The following NAALADL2 variants were observed in gnomAD, a reference collection of about 807,000 sequenced individuals.
NAALADL2 encodes the protein inactive N-acetylated-alpha-linked acidic dipeptidase-like protein 2.
Under a neutral mutation model 87.2 loss-of-function variants are expected in NAALADL2, and 76 were observed. The observed-to-expected ratio is 0.87, with a 90% CI of 0.72 to 1.05. The LOEUF is 1.05. Among genes scored for constraint, NAALADL2 ranks in the 50% least tolerant of loss-of-function variants. NAALADL2 has a pLI of 0.00. For missense variants in NAALADL2, 1,089 were observed against 945.8 expected (o/e 1.15, Z -1.99); for synonymous variants, 354 against 331.0 (o/e 1.07, Z -0.75).
chr3:174,935,365 C>T (rs1410500109), intron 1 of NAALADL2, among the ~76,000 whole-genome samples: 1 of 152,038 alleles, frequency 6.6e-6, no homozygotes, highest in Non-Finnish European at 1.5e-5. Flanking sequence ...AATAAAAAAT[C>T]CTGGTTCATG....
At chr3:175,498,580 T>C (rs774225000) in intron 9 of NAALADL2, among the ~76,000 whole-genome samples, 1 of 152,134 alleles carries the variant, frequency 6.6e-6, no homozygotes, top group Non-Finnish European at 1.5e-5. Context: ...AGGATCTATC[T>C]TGAATTAGGC....
intron 11 of NAALADL2, among the ~76,000 whole-genome samples, chr3:175,666,998 A>G (rs1435101188): frequency 1.3e-5 from 2 of 151,908 alleles, no homozygotes; most frequent in Non-Finnish European, 2.9e-5. Context: ...TGACAAATAA[A>G]TATGGCATGG....
intron 13 of NAALADL2, among the ~76,000 whole-genome samples, chr3:175,763,053 C>T (rs1180299868): frequency 1.3e-5 from 2 of 151,528 alleles, no homozygotes; most frequent in Non-Finnish European, 2.9e-5. Flanking sequence ...CACTGCACTC[C>T]AGCCTGGGGG....
chr3:175,787,631 A>C (rs1576831417), intron 13 of NAALADL2, among the ~76,000 whole-genome samples: 1 of 152,240 alleles, frequency 6.6e-6, no homozygotes, highest in South Asian at 2.1e-4. Context: ...TAGTGAGATG[A>C]ACCCGGTACC....
chr3:174,556,036 T>C (rs1441116079), intron 2 of NAALADL2, among the ~76,000 whole-genome samples: 1 of 151,392 alleles, frequency 6.6e-6, no homozygotes, highest in East Asian at 2.0e-4. Flanking sequence ...TTTCTTCTAG[T>C]ACTATCTATA....
At chr3:175,158,067 C>T (rs918659639) in intron 2 of NAALADL2, among the ~76,000 whole-genome samples, 2 of 152,032 alleles carry the variant, frequency 1.3e-5, no homozygotes, top group South Asian at 4.1e-4. Context: ...TTACCTAAAT[C>T]TCTTATTTTT....
intron 1 of NAALADL2, among the ~76,000 whole-genome samples, chr3:174,484,833 C>T (rs1251024965): frequency 7.3e-6 from 1 of 136,990 alleles, no homozygotes; most frequent in African/African-American, 2.8e-5. Flanking sequence ...TATGGTATAG[C>T]TCCTATAGGC....
At chr3:175,105,335 C>A (rs2108448450) in intron 2 of NAALADL2, among the ~76,000 whole-genome samples, 1 of 151,954 alleles carries the variant, frequency 6.6e-6, no homozygotes, top group Middle Eastern at 3.4e-3. Context: ...GAAAATGAAC[C>A]AGAGTACAGA....
Position 174,716,486 on chromosome 3 carries a change from TCATTTTTGTTA to T in NAALADL2, c.-114-21149_-114-21139del, listed in dbSNP as rs538292480. Among the ~76,000 whole-genome samples, 442 of 152,238 alleles carry T rather than the reference TCATTTTTGTTA, an allele frequency of 2.9e-3. 2 individuals carry two copies. Among genetic ancestry groups the T allele is most frequent in the African/African-American group, 0.01 (423 of 41,574 alleles). ...GTCTATATCAGTAAAAGAGAAACTCTCATTTTTGTTACATTTCTAGGTTTATATAATATAAA... is the reference window on the plus strand; with the variant it reads ...GTCTATATCAGTAAAAGAGAAACTCTCATTTCTAGGTTTATATAATATAAA... On this transcript the variant is annotated intron_variant, in intron 2 of 3. Transcript: ENST00000434257.
At chr3:174,447,644 C>T (rs1366698693) in intron 1 of NAALADL2, among the ~76,000 whole-genome samples, 4 of 151,890 alleles carry the variant, frequency 2.6e-5, no homozygotes, top group East Asian at 1.9e-4. Context: ...GGTGAAACCT[C>T]GTCTCTACTA....
intron 2 of NAALADL2, among the ~76,000 whole-genome samples, chr3:174,695,492 A>G (rs1728941025): frequency 6.6e-6 from 1 of 152,008 alleles, no homozygotes; most frequent in South Asian, 2.1e-4. Context: ...ATATGACACA[A>G]AACACTAATT....
chr3:175,232,620 C>T (rs556476680), intron 2 of NAALADL2, among the ~76,000 whole-genome samples: 5 of 152,218 alleles, frequency 3.3e-5, no homozygotes, highest in Admixed American at 1.3e-4. Flanking sequence ...AGAAAGCTTA[C>T]GAATTTGCAT....
At chr3:175,693,801 C>T (rs1434815071) in intron 11 of NAALADL2, among the ~76,000 whole-genome samples, 3 of 152,068 alleles carry the variant, frequency 2.0e-5, no homozygotes, top group Non-Finnish European at 2.9e-5. Flanking sequence ...CGGGTTCAAG[C>T]GATTCTCCTG....
intron 1 of NAALADL2, among the ~76,000 whole-genome samples, chr3:174,970,808 C>T (rs1249798308): frequency 6.6e-6 from 1 of 152,124 alleles, no homozygotes; most frequent in East Asian, 1.9e-4. Context: ...CTCATTAACC[C>T]TTTCTCACAT....
chr3:175,228,732 A>T (rs976827629), intron 2 of NAALADL2, among the ~76,000 whole-genome samples: 2 of 151,936 alleles, frequency 1.3e-5, no homozygotes, highest in East Asian at 3.9e-4. Flanking sequence ...GTCTTTTAAA[A>T]ATTCTAATAA....
At chr3:175,444,975 T>C (rs1366690385) in intron 5 of NAALADL2, among the ~76,000 whole-genome samples, 3 of 152,194 alleles carry the variant, frequency 2.0e-5, no homozygotes, top group African/African-American at 4.8e-5. Context: ...ATTTATAATC[T>C]ACCTCCTCCT....
chr3:174,771,898 G>T (rs547360275), intron 3 of NAALADL2, among the ~76,000 whole-genome samples: 8 of 152,208 alleles, frequency 5.3e-5, no homozygotes, highest in Middle Eastern at 3.4e-3. Flanking sequence ...ATAAGGAAAA[G>T]GTTATTCACT....
chr3:175,759,797 G>A (rs1022081992), intron 13 of NAALADL2, among the ~76,000 whole-genome samples: 1 of 152,202 alleles, frequency 6.6e-6, no homozygotes. Flanking sequence ...GCTCGAGAGT[G>A]AAGTACAAAA....
chr3:175,557,344 A>C (rs1014267977), intron 9 of NAALADL2, among the ~76,000 whole-genome samples: 8 of 152,334 alleles, frequency 5.3e-5, no homozygotes, highest in African/African-American at 1.9e-4. Context: ...TAATAATCAC[A>C]TCAGGGTAAA....
Sources: allele counts gnomAD v4.1 joint callset (sites outside exome capture counted in the v4.1 genomes callset), GRCh38; gene constraint gnomAD v4.1.1; transcripts MANE v1.5; gene names NCBI Gene and HGNC (gene_info 2026-07-23, HGNC 2026-07-21).